The following PDE7A variants were observed in gnomAD, a reference collection of about 807,000 sequenced individuals.
The protein encoded by PDE7A is high affinity 3',5'-cyclic-AMP phosphodiesterase 7A.
A neutral mutation model predicts 64.3 loss-of-function variants in PDE7A; 39 were observed. The observed-to-expected ratio is 0.61, with a 90% CI of 0.47 to 0.79. The LOEUF (loss-of-function observed/expected upper bound fraction) is 0.79. Ranked by LOEUF, PDE7A falls within the 30% of genes least tolerant of loss-of-function variation. The pLI is 0.00. For missense variants in PDE7A, 470 were observed against 582.8 expected (o/e 0.81, Z 1.99); for synonymous variants, 203 against 206.8 (o/e 0.98, Z 0.16).
At chr8:65,732,478 G>A (rs10808746) in intron 7 of PDE7A, among the ~76,000 whole-genome samples, 90,831 of 152,066 alleles carry the variant, frequency 0.6, 29,885 homozygotes, top group African/African-American at 0.89. Context: ...ACGTGATGCT[G>A]TGCAAAGGCT....
chr8:65,815,410 A>G (rs1810376065), intron 1 of PDE7A, among the ~76,000 whole-genome samples: 1 of 152,210 alleles, frequency 6.6e-6, no homozygotes, highest in South Asian at 2.1e-4. Flanking sequence ...CTTTAGAGAC[A>G]GGATCTGGTC....
At chr8:65,757,554 G>A (rs191993419) in intron 3 of PDE7A, among the ~76,000 whole-genome samples, 30 of 152,240 alleles carry the variant, frequency 2.0e-4, no homozygotes, top group Admixed American at 6.5e-4. Flanking sequence ...CCGGCATCTG[G>A]AATAATTGAG....
chr8:65,769,467 T>C (rs1187540488), intron 3 of PDE7A, among the ~76,000 whole-genome samples: 5 of 152,184 alleles, frequency 3.3e-5, no homozygotes, highest in Non-Finnish European at 5.9e-5. Flanking sequence ...CTAGAAGAAT[T>C]CGTAATCATC....
In PDE7A at chr8:65,824,764, A is replaced by G. The variant is rs139570029; in HGVS notation, c.138+16607T>C. 4.3e-3 allele frequency among the ~76,000 whole-genome samples: 648 copies of G among 152,342 alleles called. 3 individuals carry two copies. The highest frequency in any genetic ancestry group is 0.014 in the African/African-American group (579 of 41,568). ...AGTGTGTACATTGTTTTTATTAGAC[A>G]TAATGCTACTGTACACTTAATAGAC... On this transcript the variant is annotated intron_variant, in intron 1 of 12. Coordinates refer to ENST00000401827, the MANE Select transcript of PDE7A (RefSeq NM_001242318.3).
intron 10 of PDE7A, 89 bp from the exon 11 acceptor site, chr8:65,724,440 T>A (rs1806524313): frequency 4.2e-6 from 3 of 711,898 alleles, no homozygotes; most frequent in Non-Finnish European, 4.7e-6. Flanking sequence ...GGATTAACCA[T>A]AAATATAAAT....
intron 1 of PDE7A, among the ~76,000 whole-genome samples, chr8:65,801,374 C>T (rs564694914): frequency 1.3e-5 from 2 of 152,190 alleles, no homozygotes; most frequent in Admixed American, 1.3e-4. Flanking sequence ...AATAATTATT[C>T]TGACAAAAAC....
At chr8:65,805,802 A>G (rs1217575611) in intron 1 of PDE7A, among the ~76,000 whole-genome samples, 1 of 152,222 alleles carries the variant, frequency 6.6e-6, no homozygotes, top group Non-Finnish European at 1.5e-5. Flanking sequence ...TGGATATGTT[A>G]GCCGCCTTCT....
At chr8:65,758,299 A>G (rs939172078) in intron 3 of PDE7A, among the ~76,000 whole-genome samples, 2 of 152,238 alleles carry the variant, frequency 1.3e-5, no homozygotes, top group African/African-American at 4.8e-5. Flanking sequence ...GCTTAAAAAT[A>G]CAGTTATACT....
chr8:65,781,096 TACATGGAGAAA>T (rs1809403773), intron 2 of PDE7A: 1 of 152,230 alleles, frequency 6.6e-6, no homozygotes, highest in Non-Finnish European at 1.5e-5. Context: ...GATGATGAGT[TACATGGAGAAA>T]ACTAAAGGTA....
chr8:65,729,095 CAG>C (rs1310167473), intron 7 of PDE7A, among the ~76,000 whole-genome samples: 1 of 152,034 alleles, frequency 6.6e-6, no homozygotes, highest in African/African-American at 2.4e-5. Flanking sequence ...GATTAAAAGA[CAG>C]ATGTTATTTC....
Position 65,717,322 on chromosome 8 carries a change from A to C in PDE7A, c.*1968T>G, listed in dbSNP as rs1806179887. Among the ~76,000 whole-genome samples the C allele has an allele frequency of 6.6e-6, 1 of 152,270 alleles. No homozygotes were observed. Among genetic ancestry groups the C allele is most frequent in the South Asian group, 2.1e-4 (1 of 4,834 alleles). Reference sequence around the variant, plus strand: ...TGGTACCTTGTTTACAACTGATATCAATCAAGTAGAGTGGAGTGGCCTTTT... The same window carrying C: ...TGGTACCTTGTTTACAACTGATATCCATCAAGTAGAGTGGAGTGGCCTTTT... On this transcript the variant is annotated 3_prime_UTR_variant, in exon 13 of 13. Transcript: ENST00000401827.
chr8:65,750,903 A>C (rs1807917902), intron 3 of PDE7A, among the ~76,000 whole-genome samples: 1 of 152,212 alleles, frequency 6.6e-6, no homozygotes, highest in African/African-American at 2.4e-5. Context: ...TGAGTATTAG[A>C]TATTGACTCA....
intron 1 of PDE7A, among the ~76,000 whole-genome samples, chr8:65,802,178 C>T (rs966861916): frequency 2.0e-5 from 3 of 152,094 alleles, no homozygotes; most frequent in Non-Finnish European, 4.4e-5. Context: ...CTGGGGAGAG[C>T]AGGGAATAGC....
intron 3 of PDE7A, among the ~76,000 whole-genome samples, chr8:65,774,901 T>C (rs1241038005): frequency 1.3e-5 from 2 of 152,144 alleles, no homozygotes; most frequent in South Asian, 2.1e-4. Flanking sequence ...CACTGTATCC[T>C]TGAGAGAGAA....
intron 7 of PDE7A, chr8:65,728,137 T>C (rs1010654500): frequency 1.3e-5 from 2 of 152,176 alleles, no homozygotes; most frequent in Admixed American, 1.3e-4. Context: ...AGCATGGTAT[T>C]ATTTAGGTTT....
chr8:65,813,029 A>C (rs982346120), intron 1 of PDE7A, among the ~76,000 whole-genome samples: 2 of 152,262 alleles, frequency 1.3e-5, no homozygotes, highest in Non-Finnish European at 1.5e-5. Flanking sequence ...ACAGATTTGG[A>C]TAACACCATA....
chr8:65,762,083 G>T (rs1332841135), intron 3 of PDE7A, among the ~76,000 whole-genome samples: 1 of 152,160 alleles, frequency 6.6e-6, no homozygotes, highest in African/African-American at 2.4e-5. Context: ...TACTAATCAT[G>T]AATTACCCTT....
intron 3 of PDE7A, among the ~76,000 whole-genome samples, chr8:65,754,723 T>G (rs920264893): frequency 1.3e-5 from 2 of 150,366 alleles, no homozygotes; most frequent in Non-Finnish European, 3.0e-5. Context: ...TCCCAGCACT[T>G]TGGGAGGCTG....
At chr8:65,750,723 G>GTA (rs762387461) in intron 3 of PDE7A, among the ~76,000 whole-genome samples, 2 of 151,988 alleles carry the variant, frequency 1.3e-5, no homozygotes, top group Non-Finnish European at 2.9e-5. Context: ...AATCATGGTT[G>GTA]TATCCTCCCC....
Sources: allele counts gnomAD v4.1 joint callset (sites outside exome capture counted in the v4.1 genomes callset), GRCh38; gene constraint gnomAD v4.1.1; transcripts MANE v1.5; gene names NCBI Gene and HGNC (gene_info 2026-07-23, HGNC 2026-07-21).